Variants in CHST9 observed in about 807,000 individuals in gnomAD.
CHST9 encodes the protein carbohydrate sulfotransferase 9.
CHST9 carries 41 observed loss-of-function variants against 44.4 expected under a neutral mutation model. That is an observed-to-expected ratio of 0.92 (90% confidence interval 0.72 to 1.20). CHST9 has a LOEUF of 1.20. CHST9 is among the 50% of genes most tolerant of loss of function. The pLI is 0.00. For synonymous variants in CHST9, 171 were observed against 178.4 expected, an observed-to-expected ratio of 0.96 and a Z score of 0.33; for missense variants, 504 against 516.5, an observed-to-expected ratio of 0.98 and a Z score of 0.23.
intron 4 of CHST9, among the ~76,000 whole-genome samples, chr18:26,996,108 ATGGTGCTCAGGCACCTGCCC>A (rs2145217734): frequency 6.6e-6 from 1 of 152,304 alleles, no homozygotes; most frequent in East Asian, 1.9e-4. Flanking sequence ...TTTGTTTCTC[ATGGTGCTCAGGCACCTGCCC>A]TGTCCATCCA....
chr18:27,142,571 A>AT (rs2058576647), intron 2 of CHST9, 118 bp downstream of exon 2: 1 of 728,616 alleles, frequency 1.4e-6, no homozygotes, highest in Non-Finnish European at 2.0e-6. Context: ...CTTATGACTC[A>AT]TTTTTTGTTG....
At chr18:26,944,478 T>C (rs2056132815) in intron 4 of CHST9, 112 bp from the exon 5 acceptor site, 1 of 728,234 alleles carries the variant, frequency 1.4e-6, no homozygotes. Context: ...ATGGACTCTC[T>C]GAGCAAGGAT....
At chr18:27,125,237 A>G (rs1365218555) in intron 2 of CHST9, among the ~76,000 whole-genome samples, 1 of 152,224 alleles carries the variant, frequency 6.6e-6, no homozygotes, top group Non-Finnish European at 1.5e-5. Flanking sequence ...TAATTTATAC[A>G]AACTAGCTAT....
intron 4 of CHST9, among the ~76,000 whole-genome samples, chr18:26,956,398 T>G (rs1181698024): frequency 1.4e-5 from 2 of 146,948 alleles, no homozygotes; most frequent in Non-Finnish European, 3.0e-5. Context: ...TATAATTATA[T>G]CTATATATAT....
At chr18:27,035,724 C>T (rs1411481019) in intron 3 of CHST9, among the ~76,000 whole-genome samples, 1 of 152,062 alleles carries the variant, frequency 6.6e-6, no homozygotes. Context: ...TACATAATCT[C>T]AATTATACGT....
chr18:27,061,424 C>T (rs956180467), intron 2 of CHST9, among the ~76,000 whole-genome samples: 3 of 152,246 alleles, frequency 2.0e-5, no homozygotes, highest in Admixed American at 1.3e-4. Context: ...GCGTGAGACT[C>T]TTCCCCAGCC....
At position 26,916,707 on chromosome 18, in the gene CHST9, T is replaced by A; in HGVS notation, c.884A>T (p.Glu295Val). 6.2e-7 allele frequency: 1 copy of A among 1,613,912 alleles called. No individual in the cohort carries two copies. The highest frequency in any genetic ancestry group is 8.5e-7 in the Non-Finnish European group (1 of 1,179,826). Reference protein sequence around the residue: ...RLVSAFRDKFEHPNSYYHPVF... With the variant: ...RLVSAFRDKFVHPNSYYHPVF... ...TGGATGGTAATAACTATTGGGGTGT[T>A]CAAATTTGTCCCTAAAGGCTGATAC... Residue 295 changes from glutamate to valine, a missense_variant, in exon 6 of 6, where the codon GAA becomes GTA. Glu to Val is a moderately radical substitution (Grantham distance 121). Coordinates refer to ENST00000618847, the MANE Select transcript of CHST9 (RefSeq NM_031422.6).
chr18:27,126,947 T>C (rs527955181), intron 2 of CHST9, among the ~76,000 whole-genome samples: 7 of 152,124 alleles, frequency 4.6e-5, no homozygotes, highest in African/African-American at 1.7e-4. Context: ...CTGGATAACA[T>C]GTAGGTGCAG....
chr18:27,153,840 A>G (rs951591415), intron 1 of CHST9, among the ~76,000 whole-genome samples: 2 of 152,088 alleles, frequency 1.3e-5, no homozygotes, highest in African/African-American at 4.8e-5. Context: ...GTGATCTGAG[A>G]ATGAAGCTCA....
chr18:27,019,105 C>T (rs563198510), intron 4 of CHST9, among the ~76,000 whole-genome samples: 9 of 152,282 alleles, frequency 5.9e-5, no homozygotes, highest in African/African-American at 1.7e-4. Context: ...CTTGTGAATA[C>T]GATGTACCTC....
intron 3 of CHST9, among the ~76,000 whole-genome samples, chr18:27,033,426 G>T (rs1322833084): frequency 6.6e-6 from 1 of 152,182 alleles, no homozygotes; most frequent in East Asian, 1.9e-4. Flanking sequence ...CTCTGTGGTT[G>T]CAGGTTTTGC....
intron 4 of CHST9, among the ~76,000 whole-genome samples, chr18:27,002,625 G>C (rs2056967274): frequency 6.6e-6 from 1 of 152,170 alleles, no homozygotes; most frequent in African/African-American, 2.4e-5. Context: ...TAAGTGTTTT[G>C]TAGGCTAGGC....
chr18:27,012,750 G>A (rs567096643), intron 4 of CHST9, among the ~76,000 whole-genome samples: 1 of 152,292 alleles, frequency 6.6e-6, no homozygotes, highest in East Asian at 1.9e-4. Context: ...CTCTACTCCA[G>A]GTGATATATT....
At chr18:27,089,416 G>T (rs1052007165) in intron 2 of CHST9, among the ~76,000 whole-genome samples, 2 of 151,864 alleles carry the variant, frequency 1.3e-5, no homozygotes, top group Non-Finnish European at 2.9e-5. Flanking sequence ...GATAGTTTGT[G>T]GAGAATGATG....
At chr18:27,013,519 A>G (rs1367568808) in intron 4 of CHST9, among the ~76,000 whole-genome samples, 2 of 152,214 alleles carry the variant, frequency 1.3e-5, no homozygotes, top group Non-Finnish European at 2.9e-5. Context: ...AAATACACTT[A>G]TGAGTATCTG....
At chr18:26,970,087 C>G (rs569554140) in intron 4 of CHST9, among the ~76,000 whole-genome samples, 7 of 152,098 alleles carry the variant, frequency 4.6e-5, no homozygotes, top group Non-Finnish European at 1.0e-4. Context: ...TGGTTGGGTG[C>G]CTAAAATTGC....
intron 1 of CHST9, among the ~76,000 whole-genome samples, chr18:27,181,069 A>G (rs894702930): frequency 1.3e-5 from 2 of 152,144 alleles, no homozygotes; most frequent in Admixed American, 6.5e-5. Context: ...TTCTATCACC[A>G]TTCTCCTTAC....
intron 1 of CHST9, among the ~76,000 whole-genome samples, chr18:27,166,240 G>T (rs1322036989): frequency 1.3e-5 from 2 of 151,952 alleles, no homozygotes; most frequent in Non-Finnish European, 2.9e-5. Flanking sequence ...ATTTTCATTT[G>T]TATATTCCAC....
intron 2 of CHST9, among the ~76,000 whole-genome samples, chr18:27,053,196 AAGAACAAGAAGAGGAG>A (rs2057597646): frequency 4.8e-5 from 6 of 126,042 alleles, no homozygotes; most frequent in African/African-American, 1.8e-4. Context: ...AAGAAGAAGA[AAGAACAAGAAGAGGAG>A]GAAGAGGAAG....
Sources: allele counts gnomAD v4.1 joint callset (sites outside exome capture counted in the v4.1 genomes callset), GRCh38; gene constraint gnomAD v4.1.1; transcripts MANE v1.5; gene names NCBI Gene and HGNC (gene_info 2026-07-23, HGNC 2026-07-21).